The following HMCN1 variants were observed in gnomAD, a reference collection of about 807,000 sequenced individuals.
HMCN1 encodes the protein hemicentin 1.
HMCN1 carries 321 observed loss-of-function variants against 625.9 expected under a neutral mutation model. That is an observed-to-expected ratio of 0.51 (90% CI 0.47 to 0.56). HMCN1 has a LOEUF of 0.56. HMCN1 is among the 20% of genes least tolerant of loss of function. The pLI, the probability that HMCN1 is intolerant of heterozygous loss-of-function variation, is 0.00. For synonymous variants in HMCN1, 2,425 were observed against 2,417.6 expected (o/e 1.00, Z -0.09); for missense variants, 6,588 against 6,887.3 (o/e 0.96, Z 1.54).
At chr1:186,139,690 T>A (rs1223499909) in intron 89 of HMCN1, among the ~76,000 whole-genome samples, 1 of 152,032 alleles carries the variant, frequency 6.6e-6, no homozygotes, top group Non-Finnish European at 1.5e-5. Flanking sequence ...GTCGGTGGTG[T>A]CCTAGAGCCA....
At chr1:185,739,965 A>G (rs537676966) in intron 1 of HMCN1, among the ~76,000 whole-genome samples, 2 of 152,304 alleles carry the variant, frequency 1.3e-5, no homozygotes, top group Admixed American at 6.5e-5. Flanking sequence ...TATGGAAAGA[A>G]TGTTACAGGT....
In HMCN1 at chr1:186,055,410, A is replaced by G; in HGVS notation, c.6880A>G (p.Asn2294Asp). The change falls in exon 45 of 107, where the codon AAC (asparagine) becomes GAC (aspartate). Residue 2294 changes from asparagine to aspartate, a missense_variant. Asn to Asp is a conservative substitution (Grantham distance 23). Around this residue, in one of 3 missense-constraint regions of HMCN1, gnomAD observed 4,628 missense variants for 4,853.1 expected, o/e 0.95. Transcript: ENST00000271588. ...LQVYIRPTIT[N>D]SGSHPTEIIV... Reference sequence around the variant, plus strand: ...ACCCTCAGTTAGACCAACCATAACCAACAGTGGCAGCCACCCTACTGAAAT... The same window carrying G: ...ACCCTCAGTTAGACCAACCATAACCGACAGTGGCAGCCACCCTACTGAAAT... 3 of 1,612,578 alleles carry G rather than the reference A, an allele frequency of 1.9e-6. No homozygotes were observed. The highest frequency in any genetic ancestry group is 2.5e-6 in the Non-Finnish European group (3 of 1,179,014).
At chr1:185,997,367 C>A in intron 24 of HMCN1, 62 bp from the exon 25 acceptor site, 1 of 1,000,386 alleles carries the variant, frequency 1.0e-6, no homozygotes, top group Non-Finnish European at 1.6e-6. Context: ...GTTAATTGTG[C>A]CTTAGGAGAG....
intron 8 of HMCN1, 94 bp downstream of exon 8, chr1:185,923,747 A>G (rs2102477902): frequency 9.7e-7 from 1 of 1,030,382 alleles, no homozygotes; most frequent in Non-Finnish European, 1.5e-6. Context: ...ATAAAAAATA[A>G]TGTCTTCATA....
At chr1:185,839,427 A>C (rs939349418) in intron 1 of HMCN1, among the ~76,000 whole-genome samples, 9 of 152,294 alleles carry the variant, frequency 5.9e-5, no homozygotes, top group Admixed American at 1.3e-4. Flanking sequence ...CTTGTTAATT[A>C]AATCTTATTA....
chr1:186,003,937 T>TG, intron 29 of HMCN1, 93 bp downstream of exon 29: 3 of 1,164,390 alleles, frequency 2.6e-6, no homozygotes, highest in Non-Finnish European at 3.8e-6. Flanking sequence ...AATTATTTTA[T>TG]TACATAGAAT....
chr1:186,114,346 T>G (rs1308857896), intron 73 of HMCN1, among the ~76,000 whole-genome samples: 1 of 152,146 alleles, frequency 6.6e-6, no homozygotes, highest in African/African-American at 2.4e-5. Flanking sequence ...AACCTCCACC[T>G]CCTGGGTTCA....
intron 4 of HMCN1, among the ~76,000 whole-genome samples, chr1:185,872,257 C>CT (rs199963800): frequency 2.0e-4 from 30 of 151,182 alleles, no homozygotes; most frequent in South Asian, 4.2e-4. Context: ...CTTTCTTTCT[C>CT]TTTTTTTTTG....
At chr1:186,143,037 C>G (rs898838763) in intron 89 of HMCN1, among the ~76,000 whole-genome samples, 1 of 152,154 alleles carries the variant, frequency 6.6e-6, no homozygotes, top group South Asian at 2.1e-4. Flanking sequence ...ATATTTAAAG[C>G]CTTTCTTCTT....
At chr1:185,994,434 A>T (rs1652646550) in intron 23 of HMCN1, among the ~76,000 whole-genome samples, 1 of 152,182 alleles carries the variant, frequency 6.6e-6, no homozygotes, top group South Asian at 2.1e-4. Context: ...TTTGTCCCTT[A>T]TATTATAGAA....
At chr1:186,123,254 T>C (rs1661484346) in intron 81 of HMCN1, 34 bp downstream of exon 81, 1 of 1,596,104 alleles carries the variant, frequency 6.3e-7, no homozygotes, top group African/African-American at 1.3e-5. Context: ...TTTAGTCTGC[T>C]GCACTACCAT....
rs2102075523 is a variant in HMCN1, at chr1:186,003,746, C to T, written c.4377C>T (p.Phe1459=). 1.9e-6 allele frequency: 3 copies of T among 1,613,250 alleles called. No individual in the cohort carries two copies. The highest frequency in any genetic ancestry group is 1.7e-4 in the Middle Eastern group (1 of 6,058). The change falls in exon 29 of 107, where the codon TTC becomes TTT. Residue 1459 remains phenylalanine (F), a synonymous_variant. Coordinates refer to ENST00000271588, the MANE Select transcript of HMCN1 (RefSeq NM_031935.3). ...CACCCACCATAATAGGTACCAACTT[C>T]CCAAATGAAGTCTCAGTTGTCCTCA... The part of the protein sequence containing the change: ...LVPPTIIGTN[F]PNEVSVVLNR...
At chr1:185,940,026 A>C (rs1668004353) in intron 11 of HMCN1, among the ~76,000 whole-genome samples, 1 of 152,142 alleles carries the variant, frequency 6.6e-6, no homozygotes, top group East Asian at 1.9e-4. Flanking sequence ...ATTCTTCCCA[A>C]GGTTTATTTG....
At chr1:186,182,504 C>G (rs1472260278) in intron 105 of HMCN1, among the ~76,000 whole-genome samples, 2 of 152,072 alleles carry the variant, frequency 1.3e-5, no homozygotes, top group African/African-American at 4.8e-5. Context: ...TTGGTATGGT[C>G]TTACTAGAAG....
chr1:186,062,522 C>T lies in HMCN1; in HGVS notation c.7435C>T (p.His2479Tyr). The T allele has an allele frequency of 6.2e-7, 1 of 1,603,678 alleles. No individual in the cohort carries two copies. Among genetic ancestry groups the T allele is most frequent in the Non-Finnish European group, 8.5e-7 (1 of 1,170,802 alleles). ...TTGTTGTTGTTTTTTAGTACCACCTCATATTGTGGGTGAAAATACATTGGA... is the reference window on the plus strand; with the variant it reads ...TTGTTGTTGTTTTTTAGTACCACCTTATATTGTGGGTGAAAATACATTGGA... ...IFGLSVLVPP[H>Y]IVGENTLEDV... The change falls in exon 48 of 107, where the codon CAT becomes TAT. Residue 2479 changes from histidine (H) to tyrosine (Y), a missense_variant. By Grantham distance (83) the His-to-Tyr change is moderately conservative. Coordinates refer to ENST00000271588, the MANE Select transcript of HMCN1 (RefSeq NM_031935.3).
At chr1:186,158,869 T>A (rs1191286396) in intron 97 of HMCN1, among the ~76,000 whole-genome samples, 2 of 152,110 alleles carry the variant, frequency 1.3e-5, no homozygotes, top group Non-Finnish European at 2.9e-5. Flanking sequence ...TCAGGTAGCG[T>A]GATGCCTCCA....
chr1:185,999,462 A>ATTTGTCTCACTAC (rs56873428), intron 25 of HMCN1, among the ~76,000 whole-genome samples: 6,309 of 152,100 alleles, frequency 0.041, 449 homozygotes, highest in African/African-American at 0.14. Context: ...CAGGAAAGCT[A>ATTTGTCTCACTAC]TTTCTCAACT....
chr1:185,892,070 A>C (rs967466511), intron 4 of HMCN1, among the ~76,000 whole-genome samples: 1 of 150,622 alleles, frequency 6.6e-6, no homozygotes, highest in Admixed American at 6.6e-5. Context: ...TTCATCTTCC[A>C]TCGCTGTTAC....
At chr1:186,169,181 C>T (rs1652070557) in intron 100 of HMCN1, among the ~76,000 whole-genome samples, 1 of 152,138 alleles carries the variant, frequency 6.6e-6, no homozygotes, top group African/African-American at 2.4e-5. Flanking sequence ...GAACTACAAA[C>T]CACTGCTCAA....
Sources: gnomAD v4.1 joint callset for allele counts (sites outside exome capture counted in the v4.1 genomes callset) on GRCh38, gnomAD v4.1.1 for gene constraint, gnomAD v4.1.1 regional missense constraint, MANE v1.5 for transcripts, NCBI Gene and HGNC (gene_info 2026-07-23, HGNC 2026-07-21) for gene names.